FAM20C: variants seen among roughly 807,000 people sequenced by gnomAD.
The protein encoded by FAM20C is FAM20C golgi associated secretory pathway kinase.
A neutral mutation model predicts 51.5 loss-of-function variants in FAM20C; 40 were observed. The ratio of observed to expected loss-of-function variants is 0.78; its 90% CI spans 0.60 to 1.01. FAM20C has a LOEUF of 1.01. Among genes scored for constraint, FAM20C ranks in the 50% least tolerant of loss-of-function variants. The pLI is 0.00. For synonymous variants in FAM20C, 406 were observed against 380.6 expected (o/e 1.07, Z -0.78); for missense variants, 861 against 844.7 (o/e 1.02, Z -0.24).
chr7:244,704 C>CAGTGGG (rs1788080017), intron 3 of FAM20C, among the ~76,000 whole-genome samples: 2 of 152,224 alleles, frequency 1.3e-5, no homozygotes, highest in African/African-American at 4.8e-5. Context: ...GCAAATGTGA[C>CAGTGGG]CTTCAGGCGC....
chr7:212,308 T>C (rs556491504), intron 3 of FAM20C, among the ~76,000 whole-genome samples: 1 of 152,092 alleles, frequency 6.6e-6, no homozygotes, highest in East Asian at 1.9e-4. Context: ...ACTAAAAATA[T>C]AAAAATTAGC....
chr7:218,993 G>A (rs1477402935), intron 3 of FAM20C, among the ~76,000 whole-genome samples: 3 of 152,192 alleles, frequency 2.0e-5, no homozygotes, highest in East Asian at 1.9e-4. Context: ...TGGCATGGAC[G>A]GGACTTGCTC....
In FAM20C at chr7:236,836, G is replaced by A. The variant is rs955342157; in HGVS notation, c.864-9579G>A. Among the ~76,000 whole-genome samples the A allele has an allele frequency of 1.8e-4, 27 of 152,002 alleles. 1 individual carries two copies. The East Asian group carries it at 4.5e-3, about 25-fold the overall frequency. On this transcript the variant is annotated intron_variant, in intron 3 of 9. Transcript: ENST00000313766. ...CGGGGTTATGGTCGGGGTTTCATGC[G>A]GAGGTGAGGCGGGTGCCCTGGAATC...
intron 3 of FAM20C, among the ~76,000 whole-genome samples, chr7:220,695 A>G (rs545120614): frequency 2.0e-5 from 3 of 152,278 alleles, no homozygotes; most frequent in South Asian, 2.1e-4. Flanking sequence ...TGTGCTGGCC[A>G]CGTGTGCAGG....
intron 3 of FAM20C, among the ~76,000 whole-genome samples, chr7:212,706 G>A (rs896775402): frequency 6.6e-6 from 1 of 152,206 alleles, no homozygotes; most frequent in African/African-American, 2.4e-5. Context: ...AATAGTCGCT[G>A]AAAAGCACGT....
At chr7:251,271 C>A (rs896987041) in intron 5 of FAM20C, among the ~76,000 whole-genome samples, 2 of 130,186 alleles carry the variant, frequency 1.5e-5, no homozygotes, top group African/African-American at 2.7e-5. Context: ...GTGGCTCACA[C>A]GCCTGCAATC....
chr7:249,783 G>A (rs1186177415), intron 5 of FAM20C, among the ~76,000 whole-genome samples: 2 of 152,146 alleles, frequency 1.3e-5, no homozygotes, highest in South Asian at 2.1e-4. Flanking sequence ...TGGCTCTGCC[G>A]AGGGCTCAGT....
At position 193,651 on chromosome 7, in the gene FAM20C, C is replaced by T. The variant is rs1785701770; in HGVS notation, c.452C>T (p.Pro151Leu). The T allele has an allele frequency of 1.3e-6, 2 of 1,540,698 alleles. No homozygotes were observed. Among genetic ancestry groups the T allele is most frequent in the Non-Finnish European group, 1.7e-6 (2 of 1,143,440 alleles). The part of the protein sequence containing the change: ...RDPGPRRSES[P>L]PGPGGDASLL... ...CCCGGCCCGCGTCGGTCCGAGTCGC[C>T]CCCCGGCCCCGGCGGAGACGCCTCC... is the stretch of plus-strand genomic sequence containing the variant. Residue 151 changes from proline (P) to leucine (L), a missense_variant, in exon 1 of 10, where the codon CCC becomes CTC. This residue lies in a region of FAM20C where 561 missense variants were observed against 499.8 expected (regional missense o/e 1.12). Coordinates refer to ENST00000313766, the MANE Select transcript of FAM20C (RefSeq NM_020223.4).
intron 3 of FAM20C, among the ~76,000 whole-genome samples, chr7:211,819 G>C (rs1444806075): frequency 1.3e-5 from 2 of 152,224 alleles, no homozygotes; most frequent in Non-Finnish European, 2.9e-5. Flanking sequence ...AGGCTGGTCC[G>C]GGACTCCGTC....
Position 195,727 on chromosome 7 carries a change from G to C in FAM20C, c.779G>C (p.Ser260Thr), listed in dbSNP as rs1398458786. ...LHDLSSQRIT[S>T]VAMKSGGTQL... ...GACCTCAGCTCCCAGAGGATCACCA[G>C]CGTGGGTAGGTGTCCTTGGGTGCAC... The change falls in exon 2 of 10, where the codon AGC becomes ACC. Residue 260 changes from serine to threonine, a missense_variant. Physicochemically the swap from Ser to Thr is moderately conservative, Grantham distance 58. Around this residue, in one of 3 missense-constraint regions of FAM20C, gnomAD observed 561 missense variants for 499.8 expected, o/e 1.12. Coordinates refer to ENST00000313766, the MANE Select transcript of FAM20C (RefSeq NM_020223.4). 1 of 1,604,082 alleles carries C rather than the reference G, an allele frequency of 6.2e-7. No homozygotes were observed. Among genetic ancestry groups the C allele is most frequent in the Admixed American group, 1.7e-5 (1 of 59,410 alleles).
intron 2 of FAM20C, among the ~76,000 whole-genome samples, chr7:205,690 C>A (rs1786347502): frequency 6.6e-6 from 1 of 152,186 alleles, no homozygotes; most frequent in East Asian, 1.9e-4. Flanking sequence ...TCCCTCCTGC[C>A]TGGGGCCAGT....
At chr7:246,556 C>T (rs1241969146) in intron 4 of FAM20C, 49 bp downstream of exon 4, 32 of 1,368,530 alleles carry the variant, frequency 2.3e-5, no homozygotes, top group African/African-American at 2.1e-4. Context: ...CGCTCAGACC[C>T]ACCGGTGAGT....
chr7:250,681 C>T (rs1234819042), intron 5 of FAM20C, among the ~76,000 whole-genome samples: 3 of 152,194 alleles, frequency 2.0e-5, no homozygotes, highest in Non-Finnish European at 4.4e-5. Context: ...CCGCACTGTC[C>T]AGCCACCGCC....
chr7:230,447 G>A (rs1364005001), intron 3 of FAM20C, among the ~76,000 whole-genome samples: 1 of 150,668 alleles, frequency 6.6e-6, no homozygotes, highest in African/African-American at 2.4e-5. Flanking sequence ...AGAGCCTCGT[G>A]GCTGGACCTC....
intron 2 of FAM20C, among the ~76,000 whole-genome samples, chr7:202,470 C>G (rs1786179896): frequency 7.5e-6 from 1 of 132,938 alleles, no homozygotes. Flanking sequence ...GGATATCTTC[C>G]CATGTGCATA....
At chr7:253,662 G>GCTTCCTTGTGTGATTCCC (rs1554255921) in intron 5 of FAM20C, among the ~76,000 whole-genome samples, 1 of 152,070 alleles carries the variant, frequency 6.6e-6, no homozygotes, top group Non-Finnish European at 1.5e-5. Flanking sequence ...CCGCTTCCCG[G>GCTTCCTTGTGTGATTCCC]GCGAGGGGCT....
intron 2 of FAM20C, among the ~76,000 whole-genome samples, chr7:203,082 A>G (rs565077808): frequency 6.6e-6 from 1 of 152,180 alleles, no homozygotes; most frequent in African/African-American, 2.4e-5. Context: ...AGTCTCTGAG[A>G]CTTGTCCACG....
In FAM20C at chr7:259,902, C is replaced by A. The variant is rs11546480; in HGVS notation, c.1677C>A (p.Asp559Glu). ...GCGTCGTGCTAAAGGCCGTCCGGGACTGCGTGGAGAGGAACGGGCTCCACA... is the reference window on the plus strand; with the variant it reads ...GCGTCGTGCTAAAGGCCGTCCGGGAATGCGTGGAGAGGAACGGGCTCCACA... ...RLRVVLKAVR[D>E]CVERNGLHSV... is the part of the protein sequence containing the mutation. The change falls in exon 10 of 10, where the codon GAC becomes GAA. Residue 559 changes from aspartate (D) to glutamate (E), a missense_variant. Asp to Glu is a conservative substitution (Grantham distance 45). Transcript: ENST00000313766. The A allele has an allele frequency of 6.5e-7, 1 of 1,535,538 alleles. No homozygotes were observed. The highest frequency in any genetic ancestry group is 8.7e-7 in the Non-Finnish European group (1 of 1,146,336).
intron 3 of FAM20C, among the ~76,000 whole-genome samples, chr7:233,178 C>A (rs908198992): frequency 7.2e-5 from 11 of 152,150 alleles, no homozygotes; most frequent in African/African-American, 2.7e-4. Flanking sequence ...TGGGGGCTCC[C>A]GTGAGGACGC....
Sources: gnomAD v4.1 joint callset for allele counts (sites outside exome capture counted in the v4.1 genomes callset) on GRCh38, gnomAD v4.1.1 for gene constraint, gnomAD v4.1.1 regional missense constraint, MANE v1.5 for transcripts, NCBI Gene and HGNC (gene_info 2026-07-23, HGNC 2026-07-21) for gene names.